Variants in OLFM3 observed in about 807,000 individuals in gnomAD.
The protein encoded by OLFM3 is noelin-3.
A neutral mutation model predicts 48.6 loss-of-function variants in OLFM3; 20 were observed. The ratio of observed to expected loss-of-function variants is 0.41; its 90% CI spans 0.29 to 0.60. The LOEUF (loss-of-function observed/expected upper bound fraction) is 0.60. Among genes scored for constraint, OLFM3 ranks in the 20% least tolerant of loss-of-function variants. The pLI is 0.28. For missense variants in OLFM3, 437 were observed against 544.3 expected (o/e 0.80, Z 1.96); for synonymous variants, 222 against 198.1 (o/e 1.12, Z -1.01).
At chr1:101,848,688 A>G (rs1307549859) in intron 1 of OLFM3, among the ~76,000 whole-genome samples, 1 of 152,192 alleles carries the variant, frequency 6.6e-6, no homozygotes, top group Non-Finnish European at 1.5e-5. Context: ...GAAATTTTAC[A>G]TTAGTATTAC....
chr1:101,826,115 A>G (rs1654851411), intron 3 of OLFM3, among the ~76,000 whole-genome samples: 1 of 147,296 alleles, frequency 6.8e-6, no homozygotes, highest in Non-Finnish European at 1.5e-5. Flanking sequence ...AAACTGAAGC[A>G]TTGACTTTCG....
intron 1 of OLFM3, among the ~76,000 whole-genome samples, chr1:101,950,397 C>G (rs894026685): frequency 2.4e-4 from 37 of 152,202 alleles, no homozygotes; most frequent in African/African-American, 8.9e-4. Flanking sequence ...GGATTTCTCA[C>G]CTTACCACAC....
At chr1:101,863,747 A>T (rs1656750288) in intron 1 of OLFM3, among the ~76,000 whole-genome samples, 1 of 152,212 alleles carries the variant, frequency 6.6e-6, no homozygotes, top group South Asian at 2.1e-4. Flanking sequence ...AAATATTTTT[A>T]TTCTAAGCCA....
intron 1 of OLFM3, among the ~76,000 whole-genome samples, chr1:101,921,989 A>T (rs1308446051): frequency 6.6e-6 from 1 of 151,862 alleles, no homozygotes; most frequent in Non-Finnish European, 1.5e-5. Flanking sequence ...AACCCGGGAG[A>T]TGGAGGTTGC....
chr1:101,867,985 C>T (rs149213982), intron 1 of OLFM3, among the ~76,000 whole-genome samples: 1 of 152,184 alleles, frequency 6.6e-6, no homozygotes, highest in Non-Finnish European at 1.5e-5. Context: ...ATTCTTCTCT[C>T]TCCTGACACC....
intron 1 of OLFM3, chr1:101,846,896 G>A (rs2100942613): frequency 6.2e-7 from 1 of 1,612,760 alleles, no homozygotes; most frequent in African/African-American, 1.3e-5. Flanking sequence ...CCAAGGATGG[G>A]AGAGTTTGGG....
intron 1 of OLFM3, among the ~76,000 whole-genome samples, chr1:101,890,187 G>T (rs114010894): frequency 2.6e-5 from 4 of 152,094 alleles, no homozygotes; most frequent in Non-Finnish European, 5.9e-5. Flanking sequence ...TGGAAAATAT[G>T]ATAATTGTTC....
chr1:101,897,436 A>C (rs1658244854), intron 1 of OLFM3, among the ~76,000 whole-genome samples: 1 of 152,182 alleles, frequency 6.6e-6, no homozygotes, highest in Non-Finnish European at 1.5e-5. Flanking sequence ...TTGCAATGCT[A>C]AGTGAACGCT....
At chr1:101,874,857 T>C (rs1365428511) in intron 1 of OLFM3, among the ~76,000 whole-genome samples, 2 of 151,964 alleles carry the variant, frequency 1.3e-5, no homozygotes, top group African/African-American at 2.4e-5. Flanking sequence ...ACTGGCTAGG[T>C]AGTTTCCAAC....
At chr1:101,907,409 C>T (rs527335254) in intron 1 of OLFM3, among the ~76,000 whole-genome samples, 2 of 152,190 alleles carry the variant, frequency 1.3e-5, no homozygotes, top group Non-Finnish European at 2.9e-5. Context: ...GGTTTCAAAA[C>T]TCTGCCTCAC....
At chr1:101,987,866 A>T (rs963181188) in intron 1 of OLFM3, among the ~76,000 whole-genome samples, 24 of 152,254 alleles carry the variant, frequency 1.6e-4, no homozygotes, top group African/African-American at 5.1e-4. Context: ...TTTATTACTG[A>T]CATTTTTTCC....
intron 1 of OLFM3, among the ~76,000 whole-genome samples, chr1:101,848,710 G>A (rs963328762): frequency 6.6e-6 from 1 of 152,058 alleles, no homozygotes; most frequent in Admixed American, 6.6e-5. Context: ...ATGTGTTAAT[G>A]ACAAAAAGCA....
chr1:101,847,561 C>T (rs190815649), intron 1 of OLFM3, among the ~76,000 whole-genome samples: 1 of 152,116 alleles, frequency 6.6e-6, no homozygotes. Flanking sequence ...CTAAAATTAG[C>T]ATCATTGCTT....
At chr1:101,981,081 T>C (rs1401195517) in intron 1 of OLFM3, among the ~76,000 whole-genome samples, 1 of 152,240 alleles carries the variant, frequency 6.6e-6, no homozygotes, top group Non-Finnish European at 1.5e-5. Context: ...TCAAGCCCTT[T>C]GCCACACTTC....
chr1:101,887,567 G>A (rs923058116), intron 1 of OLFM3, among the ~76,000 whole-genome samples: 6 of 152,014 alleles, frequency 3.9e-5, no homozygotes, highest in African/African-American at 1.4e-4. Context: ...ACAGGGAACA[G>A]GCAGTCTGTT....
intron 1 of OLFM3, among the ~76,000 whole-genome samples, chr1:101,920,327 C>T (rs1423402714): frequency 1.3e-5 from 2 of 152,132 alleles, no homozygotes; most frequent in Non-Finnish European, 2.9e-5. Flanking sequence ...CTGTTACCTA[C>T]CTGAGCTCAA....
At chr1:101,836,507 G>A (rs1320821201) in intron 2 of OLFM3, among the ~76,000 whole-genome samples, 1 of 152,022 alleles carries the variant, frequency 6.6e-6, no homozygotes, top group Admixed American at 6.6e-5. Context: ...TTTATTGCAA[G>A]GTTGTTATGG....
chr1:101,948,180 GA>G (rs1268219593), intron 1 of OLFM3, among the ~76,000 whole-genome samples: 1 of 152,044 alleles, frequency 6.6e-6, no homozygotes, highest in Non-Finnish European at 1.5e-5. Flanking sequence ...CTAAGTATTT[GA>G]AATTAAGTTG....
chr1:101,883,309 A>G (rs1657609326), intron 1 of OLFM3, among the ~76,000 whole-genome samples: 1 of 149,994 alleles, frequency 6.7e-6, no homozygotes, highest in South Asian at 2.1e-4. Context: ...TAATATATAT[A>G]CACACATATA....
Sources: gnomAD v4.1 joint callset for allele counts (sites outside exome capture counted in the v4.1 genomes callset) on GRCh38, gnomAD v4.1.1 for gene constraint, MANE v1.5 for transcripts, NCBI Gene and HGNC (gene_info 2026-07-23, HGNC 2026-07-21) for gene names.